SGCZ: variants seen among roughly 807,000 people sequenced by gnomAD.
SGCZ encodes sarcoglycan zeta, also known as zeta-sarcoglycan.
In SGCZ, 40 loss-of-function variants were observed where a neutral mutation model predicts 41.3. The ratio of observed to expected loss-of-function variants is 0.97; its 90% CI spans 0.75 to 1.26. The LOEUF (loss-of-function observed/expected upper bound fraction) is 1.26, where lower values mean the gene tolerates loss of function less well. Ranked by LOEUF, SGCZ falls within the 50% of genes most tolerant of loss-of-function variation. The pLI is 0.00. For missense variants in SGCZ, 552 were observed against 369.8 expected (o/e 1.49, Z -4.04); for synonymous variants, 206 against 137.5 (o/e 1.50, Z -3.49).
intron 1 of SGCZ, among the ~76,000 whole-genome samples, chr8:15,175,987 G>A (rs1354560396): frequency 6.6e-6 from 1 of 152,106 alleles, no homozygotes; most frequent in Admixed American, 6.5e-5. Context: ...TAAACACCAG[G>A]ATGAAGAGTT....
intron 1 of SGCZ, among the ~76,000 whole-genome samples, chr8:15,089,471 T>C (rs1261731471): frequency 4.6e-5 from 7 of 152,060 alleles, no homozygotes; most frequent in Non-Finnish European, 1.0e-4. Context: ...TTTTTTTTAA[T>C]GAGACTTTCC....
intron 2 of SGCZ, among the ~76,000 whole-genome samples, chr8:14,454,755 T>A (rs1224741914): frequency 1.3e-5 from 2 of 152,172 alleles, no homozygotes; most frequent in Non-Finnish European, 1.5e-5. Context: ...GTATAAAGGA[T>A]AAGTGACATT....
intron 4 of SGCZ, among the ~76,000 whole-genome samples, chr8:14,173,257 G>A (rs1563166499): frequency 6.6e-6 from 1 of 151,724 alleles, no homozygotes; most frequent in Non-Finnish European, 1.5e-5. Flanking sequence ...CTAACCAGGA[G>A]AAAAATCAGC....
chr8:15,174,607 G>C (rs947726613), intron 1 of SGCZ, among the ~76,000 whole-genome samples: 1 of 152,050 alleles, frequency 6.6e-6, no homozygotes. Flanking sequence ...TTACAAGATG[G>C]TATCAAATTA....
rs554433901 is a variant in SGCZ at position 14,402,428 on chromosome 8, C to T, written c.235-78224G>A. On this transcript the variant is annotated intron_variant, in intron 2 of 7. Transcript: ENST00000382080. ...AGGATTTTTATGGTTTTAGGTCGAA[C>T]GTTTAAGTCTTTAATCCATCTTGAA... Among the ~76,000 whole-genome samples the T allele has an allele frequency of 1.1e-3, 168 of 151,732 alleles. 1 individual carries two copies. The highest frequency in any genetic ancestry group is 3.6e-3 in the African/African-American group (146 of 41,096).
chr8:15,217,555 G>T (rs1161184034), intron 1 of SGCZ, among the ~76,000 whole-genome samples: 1 of 151,814 alleles, frequency 6.6e-6, no homozygotes, highest in Non-Finnish European at 1.5e-5. Context: ...AATCTAGGAG[G>T]GTTATAACCA....
chr8:14,725,214 A>G (rs918758489), intron 1 of SGCZ, among the ~76,000 whole-genome samples: 1 of 152,226 alleles, frequency 6.6e-6, no homozygotes, highest in African/African-American at 2.4e-5. Context: ...CATTGTGTAT[A>G]TAGACCACCT....
intron 3 of SGCZ, among the ~76,000 whole-genome samples, chr8:14,267,325 C>T (rs890801150): frequency 4.6e-5 from 7 of 151,728 alleles, no homozygotes; most frequent in Admixed American, 2.0e-4. Context: ...AATAACCCCA[C>T]GGGAGGAAAA....
chr8:14,822,535 A>G (rs1388293276), intron 1 of SGCZ, among the ~76,000 whole-genome samples: 1 of 152,216 alleles, frequency 6.6e-6, no homozygotes, highest in Non-Finnish European at 1.5e-5. Context: ...ATCCTGAGCA[A>G]AGATAACAAT....
intron 1 of SGCZ, among the ~76,000 whole-genome samples, chr8:15,165,102 C>T (rs7824847): frequency 0.018 from 2,772 of 152,178 alleles, 29 homozygotes; most frequent in South Asian, 0.028. Context: ...CCAGCCTGAC[C>T]AACATGGTGA....
intron 4 of SGCZ, among the ~76,000 whole-genome samples, chr8:14,217,942 T>C (rs1806058569): frequency 6.6e-6 from 1 of 152,122 alleles, no homozygotes; most frequent in African/African-American, 2.4e-5. Flanking sequence ...ACTAAAGATT[T>C]TTTTAAAGTG....
intron 1 of SGCZ, among the ~76,000 whole-genome samples, chr8:14,816,365 G>C (rs904709426): frequency 1.3e-5 from 2 of 152,154 alleles, no homozygotes; most frequent in Non-Finnish European, 2.9e-5. Context: ...TTGACAATTA[G>C]TTAAGTGTGT....
intron 3 of SGCZ, among the ~76,000 whole-genome samples, chr8:14,295,873 G>A (rs1439638032): frequency 1.3e-5 from 2 of 152,134 alleles, no homozygotes; most frequent in Admixed American, 1.3e-4. Flanking sequence ...CAGAGAAAGA[G>A]CCTCACAATT....
chr8:14,322,025 G>C (rs1330098535), intron 3 of SGCZ, among the ~76,000 whole-genome samples: 2 of 152,128 alleles, frequency 1.3e-5, no homozygotes, highest in South Asian at 2.1e-4. Flanking sequence ...CATAATGTGA[G>C]AGGTGCTTAT....
intron 1 of SGCZ, among the ~76,000 whole-genome samples, chr8:14,992,683 C>A (rs1462781887): frequency 1.5e-5 from 2 of 133,526 alleles, no homozygotes. Context: ...ACGAGTGTTA[C>A]CCTTGATATT....
At chr8:14,291,205 T>C (rs1417079103) in intron 3 of SGCZ, among the ~76,000 whole-genome samples, 2 of 152,010 alleles carry the variant, frequency 1.3e-5, no homozygotes, top group Admixed American at 1.3e-4. Flanking sequence ...AAGCTACAGT[T>C]AGGAGAAATA....
At chr8:14,675,236 G>T (rs111597849) in intron 1 of SGCZ, among the ~76,000 whole-genome samples, 2 of 151,430 alleles carry the variant, frequency 1.3e-5, no homozygotes, top group African/African-American at 2.4e-5. Context: ...CACCGCACCC[G>T]GCCAAACCTC....
At chr8:14,331,123 G>A (rs966625563) in intron 2 of SGCZ, among the ~76,000 whole-genome samples, 3 of 151,548 alleles carry the variant, frequency 2.0e-5, no homozygotes, top group African/African-American at 4.8e-5. Flanking sequence ...ACACAGTTTC[G>A]AGACAACTTG....
intron 1 of SGCZ, among the ~76,000 whole-genome samples, chr8:14,841,384 C>T (rs2130627700): frequency 6.6e-6 from 1 of 152,130 alleles, no homozygotes; most frequent in African/African-American, 2.4e-5. Context: ...TTTCACCTTG[C>T]ATTCAGGGAA....
Sources: allele counts gnomAD v4.1 joint callset (sites outside exome capture counted in the v4.1 genomes callset), GRCh38; gene constraint gnomAD v4.1.1; transcripts MANE v1.5; gene names NCBI Gene and HGNC (gene_info 2026-07-23, HGNC 2026-07-21).